The following NRXN3 variants were observed in gnomAD, a reference collection of about 807,000 sequenced individuals.
NRXN3 encodes the protein neurexin 3, also known as neurexin III.
In NRXN3, 32 loss-of-function variants were observed where a neutral mutation model predicts 137.6. The ratio of observed to expected loss-of-function variants is 0.23; its 90% CI spans 0.18 to 0.31. NRXN3 has a LOEUF of 0.31. NRXN3 is among the 10% of genes least tolerant of loss of function. NRXN3 has a pLI of 1.00. For missense variants in NRXN3, 1,574 were observed against 2,062.5 expected (o/e 0.76, Z 4.59); for synonymous variants, 798 against 784.5 (o/e 1.02, Z -0.29).
Position 78,507,752 on chromosome 14 carries a change from T to C in NRXN3, c.758-137368T>C, listed in dbSNP as rs903038817. Among the ~76,000 whole-genome samples the C allele has an allele frequency of 2.3e-4, 35 of 152,182 alleles. 1 individual carries two copies. Among genetic ancestry groups the C allele is most frequent in the Non-Finnish European group, 4.4e-5 (3 of 68,022 alleles). ...GATTGCAGTGGTCAAGTCTGTCCAC[T>C]GATATATTAAAATAAATAAGCATCC... On this transcript the variant is annotated intron_variant, in intron 4 of 20. Transcript: ENST00000335750.
intron 15 of NRXN3, among the ~76,000 whole-genome samples, chr14:79,092,561 A>T (rs371159675): frequency 2.2e-4 from 34 of 152,174 alleles, no homozygotes; most frequent in African/African-American, 8.2e-4. Flanking sequence ...TATGTCCTGG[A>T]TATCTCTCCC....
At chr14:78,295,532 C>A (rs1193638081) in intron 3 of NRXN3, among the ~76,000 whole-genome samples, 5 of 152,082 alleles carry the variant, frequency 3.3e-5, no homozygotes, top group African/African-American at 1.2e-4. Context: ...TATCCAATTC[C>A]CCTTAGTGCA....
chr14:78,725,476 T>A (rs2098478821), intron 8 of NRXN3, among the ~76,000 whole-genome samples: 1 of 152,254 alleles, frequency 6.6e-6, no homozygotes, highest in Admixed American at 6.5e-5. Context: ...TCCAGCCAGT[T>A]AGTTGTCTCT....
chr14:78,459,997 C>T (rs1041738207), intron 4 of NRXN3, among the ~76,000 whole-genome samples: 7 of 152,192 alleles, frequency 4.6e-5, no homozygotes, highest in South Asian at 2.1e-4. Flanking sequence ...GGCTATAAAT[C>T]GGGGATTCCC....
chr14:78,521,048 G>A (rs1388571057), intron 4 of NRXN3, among the ~76,000 whole-genome samples: 1 of 152,096 alleles, frequency 6.6e-6, no homozygotes, highest in African/African-American at 2.4e-5. Context: ...GAGAACAAAA[G>A]TTTTATTTTC....
chr14:78,908,243 A>G (rs531013847), intron 10 of NRXN3, among the ~76,000 whole-genome samples: 148 of 152,216 alleles, frequency 9.7e-4, no homozygotes, highest in African/African-American at 3.3e-3. Flanking sequence ...ATTTCCCATT[A>G]TAGAAACAAG....
chr14:78,391,455 C>G (rs1277546613), intron 4 of NRXN3, among the ~76,000 whole-genome samples: 1 of 152,120 alleles, frequency 6.6e-6, no homozygotes, highest in Non-Finnish European at 1.5e-5. Context: ...AACCATATCT[C>G]TCTAAGGATA....
chr14:78,641,977 G>T (rs115649458), intron 4 of NRXN3, among the ~76,000 whole-genome samples: 1,594 of 152,242 alleles, frequency 0.01, 33 homozygotes, highest in African/African-American at 0.037. Context: ...TTTAAATACA[G>T]ATCTAAGGGC....
At chr14:78,668,889 A>G (rs1394600794) in intron 6 of NRXN3, among the ~76,000 whole-genome samples, 5 of 152,082 alleles carry the variant, frequency 3.3e-5, no homozygotes, top group African/African-American at 1.2e-4. Context: ...GGCAGGCAAA[A>G]CTTGATAATT....
chr14:78,521,380 G>A (rs532761872), intron 4 of NRXN3, among the ~76,000 whole-genome samples: 12 of 152,110 alleles, frequency 7.9e-5, no homozygotes, highest in Admixed American at 4.6e-4. Context: ...CATTTAATGC[G>A]GGCCATTTAG....
At chr14:79,141,174 C>A (rs1256659122) in intron 15 of NRXN3, among the ~76,000 whole-genome samples, 1 of 152,128 alleles carries the variant, frequency 6.6e-6, no homozygotes, top group Non-Finnish European at 1.5e-5. Context: ...AATGATATGA[C>A]AACACAGCTC....
At chr14:79,043,628 G>A (rs148890923) in intron 15 of NRXN3, among the ~76,000 whole-genome samples, 41 of 152,182 alleles carry the variant, frequency 2.7e-4, no homozygotes, top group Middle Eastern at 3.4e-3. Context: ...TCTATGGCCC[G>A]GGACAGCTCC....
intron 4 of NRXN3, among the ~76,000 whole-genome samples, chr14:78,305,320 G>T (rs529854481): frequency 2.0e-4 from 30 of 152,066 alleles, no homozygotes; most frequent in Non-Finnish European, 3.8e-4. Context: ...GCAGCAGGGG[G>T]ATTTAGTTTC....
intron 4 of NRXN3, among the ~76,000 whole-genome samples, chr14:78,383,087 C>G (rs749499702): frequency 6.6e-6 from 1 of 152,146 alleles, no homozygotes; most frequent in Non-Finnish European, 1.5e-5. Flanking sequence ...GTAAAGAATG[C>G]CACTTGCCAG....
chr14:79,059,794 A>G (rs2099671914), intron 15 of NRXN3, among the ~76,000 whole-genome samples: 1 of 152,194 alleles, frequency 6.6e-6, no homozygotes, highest in Non-Finnish European at 1.5e-5. Flanking sequence ...GGGGAAATCA[A>G]AAGAATGAGA....
intron 15 of NRXN3, among the ~76,000 whole-genome samples, chr14:79,136,920 A>G (rs1156246732): frequency 6.6e-6 from 1 of 152,202 alleles, no homozygotes; most frequent in Non-Finnish European, 1.5e-5. Context: ...GAGCTCAGAA[A>G]ACTACAGGAG....
chr14:79,724,964 G>A (rs149998424), intron 19 of NRXN3, among the ~76,000 whole-genome samples: 17 of 152,226 alleles, frequency 1.1e-4, no homozygotes, highest in Non-Finnish European at 2.4e-4. Context: ...AATTTAACCA[G>A]TCTTGAGGTG....
At chr14:79,084,663 C>G (rs1042504027) in intron 15 of NRXN3, among the ~76,000 whole-genome samples, 2 of 152,034 alleles carry the variant, frequency 1.3e-5, no homozygotes, top group Admixed American at 1.3e-4. Context: ...AGGTAAATGC[C>G]CCTATTGTAC....
Position 78,428,451 on chromosome 14 carries a change from C to T in NRXN3, c.757+130591C>T, listed in dbSNP as rs567552213. 4.6e-5 allele frequency among the ~76,000 whole-genome samples: 7 copies of T among 152,196 alleles called. No homozygotes were observed. In the East Asian group the frequency reaches 1.4e-3, roughly 29 times the overall value. Reference sequence around the variant, plus strand: ...CTCTATCTCAATTTCCAACTCTATCCCAACTATATTATTCAGGGTTCTTCG... The same window carrying T: ...CTCTATCTCAATTTCCAACTCTATCTCAACTATATTATTCAGGGTTCTTCG... On this transcript the variant is annotated intron_variant, in intron 4 of 20. Coordinates refer to ENST00000335750, the MANE Select transcript of NRXN3 (RefSeq NM_001330195.2).
Sources: gnomAD v4.1 joint callset for allele counts (sites outside exome capture counted in the v4.1 genomes callset) on GRCh38, gnomAD v4.1.1 for gene constraint, MANE v1.5 for transcripts, NCBI Gene and HGNC (gene_info 2026-07-23, HGNC 2026-07-21) for gene names.